TAFA2: variants seen among roughly 807,000 people sequenced by gnomAD.
TAFA2 encodes the protein TAFA chemokine like family member 2.
Under a neutral mutation model 18.8 loss-of-function variants are expected in TAFA2, and 7 were observed. That is an observed-to-expected ratio of 0.37 (90% CI 0.21 to 0.70). The LOEUF (loss-of-function observed/expected upper bound fraction) is 0.70. TAFA2 is among the 30% of genes least tolerant of loss of function. The pLI is 0.53. For missense variants in TAFA2, 122 were observed against 158.1 expected (o/e 0.77, Z 1.23); for synonymous variants, 60 against 54.2 (o/e 1.11, Z -0.47).
intron 1 of TAFA2, among the ~76,000 whole-genome samples, chr12:62,245,304 C>T (rs2062879822): frequency 6.6e-6 from 1 of 152,000 alleles, no homozygotes; most frequent in Admixed American, 6.5e-5. Context: ...ATGCATTTAT[C>T]TAATTGCAAG....
At chr12:61,857,416 G>T (rs1174810889) in intron 2 of TAFA2, among the ~76,000 whole-genome samples, 1 of 152,082 alleles carries the variant, frequency 6.6e-6, no homozygotes, top group Non-Finnish European at 1.5e-5. Flanking sequence ...TTTCAGAGTG[G>T]TGAGAGGGGA....
intron 1 of TAFA2, among the ~76,000 whole-genome samples, chr12:61,994,234 G>C (rs998466326): frequency 1.3e-5 from 2 of 152,102 alleles, no homozygotes; most frequent in Admixed American, 6.5e-5. Context: ...CCAAAGTGGA[G>C]CTCTGTCACC....
intron 1 of TAFA2, among the ~76,000 whole-genome samples, chr12:62,200,624 G>A (rs536680452): frequency 1.3e-5 from 2 of 152,178 alleles, no homozygotes; most frequent in Middle Eastern, 3.4e-3. Context: ...GTCTGTTTTT[G>A]TATCAGTACC....
intron 1 of TAFA2, among the ~76,000 whole-genome samples, chr12:62,224,015 A>T (rs988712912): frequency 1.4e-4 from 22 of 152,114 alleles, no homozygotes; most frequent in African/African-American, 5.1e-4. Context: ...CAATAGCCAA[A>T]TAGTGGAAGC....
intron 2 of TAFA2, among the ~76,000 whole-genome samples, chr12:61,767,614 C>T (rs1302738390): frequency 6.6e-6 from 1 of 151,970 alleles, no homozygotes; most frequent in Non-Finnish European, 1.5e-5. Context: ...TTCTCACACA[C>T]GGAAGGTTTG....
chr12:62,099,738 A>T (rs536698652), intron 1 of TAFA2, among the ~76,000 whole-genome samples: 1 of 152,172 alleles, frequency 6.6e-6, no homozygotes, highest in Admixed American at 6.6e-5. Flanking sequence ...CACATATATG[A>T]TGTCATCCCA....
intron 1 of TAFA2, among the ~76,000 whole-genome samples, chr12:62,057,022 C>T (rs1882205484): frequency 6.6e-6 from 1 of 152,166 alleles, no homozygotes; most frequent in Non-Finnish European, 1.5e-5. Flanking sequence ...ACCTCCATTG[C>T]TATTCCCTGG....
chr12:61,715,934 T>C (rs984667494), intron 4 of TAFA2, among the ~76,000 whole-genome samples: 2 of 151,388 alleles, frequency 1.3e-5, no homozygotes, highest in African/African-American at 4.9e-5. Context: ...ATTGTAAAAA[T>C]AAAAATTAAG....
chr12:61,813,826 A>G (rs11174184), intron 2 of TAFA2, among the ~76,000 whole-genome samples: 7,258 of 151,478 alleles, frequency 0.048, 904 homozygotes, highest in African/African-American at 0.17. Context: ...TACAAAATGC[A>G]GGTAAGAAAT....
At chr12:61,924,681 C>T (rs1055967270) in intron 1 of TAFA2, among the ~76,000 whole-genome samples, 1 of 152,106 alleles carries the variant, frequency 6.6e-6, no homozygotes, top group South Asian at 2.1e-4. Flanking sequence ...AGTGTATGAA[C>T]GAATGGGTAA....
chr12:62,088,925 T>C (rs1037594589), intron 1 of TAFA2, among the ~76,000 whole-genome samples: 6 of 152,068 alleles, frequency 3.9e-5, no homozygotes, highest in South Asian at 2.1e-4. Flanking sequence ...TGTGTGTGTG[T>C]GTGCACGCGC....
At chr12:62,133,793 GAACA>G (rs940852581) in intron 1 of TAFA2, among the ~76,000 whole-genome samples, 8 of 152,064 alleles carry the variant, frequency 5.3e-5, no homozygotes, top group African/African-American at 1.4e-4. Context: ...TTGAATGAAT[GAACA>G]AACAAACATA....
intron 1 of TAFA2, among the ~76,000 whole-genome samples, chr12:61,915,462 C>T (rs914808077): frequency 2.0e-5 from 3 of 152,136 alleles, no homozygotes; most frequent in Admixed American, 6.5e-5. Flanking sequence ...TCAAGAGAAA[C>T]TGAACCAATA....
At chr12:61,747,766 G>C (rs961596642) in intron 4 of TAFA2, among the ~76,000 whole-genome samples, 1 of 150,664 alleles carries the variant, frequency 6.6e-6, no homozygotes, top group Admixed American at 6.6e-5. Context: ...CCTAATGCTA[G>C]ATGACGAGTT....
intron 1 of TAFA2, chr12:62,139,962 C>G (rs550994632): frequency 1.3e-5 from 2 of 152,104 alleles, no homozygotes; most frequent in Non-Finnish European, 2.9e-5. Context: ...TTTTAAGCAG[C>G]AGGAGGAAAG....
intron 1 of TAFA2, among the ~76,000 whole-genome samples, chr12:61,989,556 G>A (rs1052831614): frequency 6.6e-6 from 1 of 152,214 alleles, no homozygotes; most frequent in Admixed American, 6.5e-5. Context: ...TCCCCATTCA[G>A]AAAGAATGGT....
chr12:61,730,074 T>C (rs1870368803), intron 4 of TAFA2, among the ~76,000 whole-genome samples: 2 of 152,134 alleles, frequency 1.3e-5, no homozygotes, highest in South Asian at 4.1e-4. Context: ...TGTGATGTGA[T>C]CTGTCTTCAG....
intron 4 of TAFA2, among the ~76,000 whole-genome samples, chr12:61,728,033 T>G (rs11174147): frequency 5.1e-3 from 119 of 23,176 alleles, no homozygotes; most frequent in African/African-American, 0.04. Flanking sequence ...TTGAGGGTTG[T>G]TTTTTTTTTT....
At chr12:61,732,732 T>TG (rs1565754369) in intron 4 of TAFA2, among the ~76,000 whole-genome samples, 9 of 111,640 alleles carry the variant, frequency 8.1e-5, no homozygotes, top group Non-Finnish European at 1.3e-4. Flanking sequence ...CAAGTGATTT[T>TG]TTGTGTGTGT....
Sources: allele counts gnomAD v4.1 joint callset (sites outside exome capture counted in the v4.1 genomes callset), GRCh38; gene constraint gnomAD v4.1.1; transcripts MANE v1.5; gene names NCBI Gene and HGNC (gene_info 2026-07-23, HGNC 2026-07-21).